The following ADAMTS6 variants were observed in gnomAD, a reference collection of about 807,000 sequenced individuals.
ADAMTS6 encodes the protein A disintegrin and metalloproteinase with thrombospondin motifs 6.
ADAMTS6 carries 23 observed loss-of-function variants against 144.3 expected under a neutral mutation model. The observed-to-expected ratio is 0.16, with a 90% CI of 0.11 to 0.23. The LOEUF is 0.23. Ranked by LOEUF, ADAMTS6 falls within the 10% of genes least tolerant of loss-of-function variation. The pLI, the probability that ADAMTS6 is intolerant of heterozygous loss-of-function variation, is 1.00. For missense variants in ADAMTS6, 999 were observed against 1,379.6 expected, an observed-to-expected ratio of 0.72 and a Z score of 4.37; for synonymous variants, 444 against 457.5, an observed-to-expected ratio of 0.97 and a Z score of 0.38.
At chr5:65,466,748 T>C (rs1760036877) in intron 3 of ADAMTS6, among the ~76,000 whole-genome samples, 1 of 152,142 alleles carries the variant, frequency 6.6e-6, no homozygotes, top group Non-Finnish European at 1.5e-5. Flanking sequence ...CTTCATGAAA[T>C]AAGAACAGAA....
chr5:65,468,531 T>C (rs1378358815), intron 3 of ADAMTS6, among the ~76,000 whole-genome samples: 1 of 151,494 alleles, frequency 6.6e-6, no homozygotes, highest in Non-Finnish European at 1.5e-5. Flanking sequence ...TGCTCACAAA[T>C]TCCTTACGAA....
intron 10 of ADAMTS6, chr5:65,297,232 G>A (rs759035105): frequency 5.0e-5 from 23 of 455,872 alleles, no homozygotes; most frequent in South Asian, 1.6e-5. Context: ...TTGAATCACC[G>A]AGTTTAAGAA....
chr5:65,208,906 C>A (rs1756302500), intron 20 of ADAMTS6, among the ~76,000 whole-genome samples: 1 of 152,146 alleles, frequency 6.6e-6, no homozygotes. Context: ...GCCAGTGGCA[C>A]CAGCAACACC....
At chr5:65,224,876 C>A in intron 17 of ADAMTS6, 48 bp downstream of exon 17, 1 of 1,546,154 alleles carries the variant, frequency 6.5e-7, no homozygotes, top group East Asian at 2.3e-5. Context: ...GTTTTGGCTC[C>A]TCCAAGTACA....
chr5:65,211,132 C>T (rs781221185), intron 20 of ADAMTS6, among the ~76,000 whole-genome samples: 2 of 152,084 alleles, frequency 1.3e-5, no homozygotes, highest in Non-Finnish European at 2.9e-5. Flanking sequence ...GGTCAAAGTT[C>T]CTAAACTCTA....
At chr5:65,222,715 T>C (rs1320858615) in intron 18 of ADAMTS6, among the ~76,000 whole-genome samples, 1 of 152,014 alleles carries the variant, frequency 6.6e-6, no homozygotes, top group South Asian at 2.1e-4. Flanking sequence ...ATTTAATAAA[T>C]ATATTTTATA....
At chr5:65,183,930 ATTCT>A (rs1262122334) in intron 22 of ADAMTS6, among the ~76,000 whole-genome samples, 2 of 152,206 alleles carry the variant, frequency 1.3e-5, no homozygotes, top group Non-Finnish European at 2.9e-5. Flanking sequence ...AATTCATCTC[ATTCT>A]TTCTCATAAT....
intron 7 of ADAMTS6, among the ~76,000 whole-genome samples, chr5:65,401,324 C>T (rs899732437): frequency 3.3e-5 from 5 of 151,706 alleles, no homozygotes; most frequent in Admixed American, 1.3e-4. Context: ...TGAGTATTTC[C>T]ATTCTCCCAG....
At chr5:65,455,574 G>A (rs1580748169) in intron 4 of ADAMTS6, among the ~76,000 whole-genome samples, 1 of 151,310 alleles carries the variant, frequency 6.6e-6, no homozygotes, top group African/African-American at 2.4e-5. Flanking sequence ...AGAACAGGTT[G>A]GTAAAATATT....
At position 65,405,846 on chromosome 5, in the gene ADAMTS6, T is replaced by C. The variant is rs150053863; in HGVS notation, c.1073+45629A>G. Among the ~76,000 whole-genome samples the C allele has an allele frequency of 3.9e-3, 589 of 152,294 alleles. 21 individuals are homozygous for C. In the East Asian group the frequency reaches 0.071, roughly 18 times the overall value. On this transcript the variant is annotated intron_variant, in intron 7 of 24. Transcript: ENST00000381055. ...CTGAGCAGTGGTTTGTAGTACTCCT[T>C]GAAGAGGTCGTTCACATCCCTTGTA... is the stretch of plus-strand genomic sequence containing the variant.
At chr5:65,282,486 A>G (rs1227550514) in intron 11 of ADAMTS6, among the ~76,000 whole-genome samples, 2 of 152,110 alleles carry the variant, frequency 1.3e-5, no homozygotes, top group East Asian at 1.9e-4. Context: ...CTCCCAGTTA[A>G]TTCTCTGCTG....
chr5:65,297,303 G>C, intron 10 of ADAMTS6: 1 of 453,716 alleles, frequency 2.2e-6, no homozygotes, highest in South Asian at 1.6e-5. Flanking sequence ...ATAGCATCTA[G>C]TGTTTTAGAA....
chr5:65,228,509 A>G (rs1156979044), intron 15 of ADAMTS6, among the ~76,000 whole-genome samples: 1 of 152,292 alleles, frequency 6.6e-6, no homozygotes, highest in East Asian at 1.9e-4. Context: ...TCCCTGCAGA[A>G]GGATCAATTT....
chr5:65,400,205 A>C lies in ADAMTS6; in HGVS notation c.1073+51270T>G, dbSNP rs967740012. ...TTTCTTCTTTTTAATTTTTAAACGT[A>C]CATTTTAGTTTATTAGAGATAGGGT... On this transcript the variant is annotated intron_variant, in intron 7 of 24. Coordinates refer to ENST00000381055, the MANE Select transcript of ADAMTS6 (RefSeq NM_197941.4). 2.6e-5 allele frequency among the ~76,000 whole-genome samples: 4 copies of C among 151,680 alleles called. No individual in the cohort carries two copies. In the East Asian group the frequency reaches 7.7e-4, roughly 29 times the overall value.
At chr5:65,456,128 C>T (rs1307521071) in intron 4 of ADAMTS6, among the ~76,000 whole-genome samples, 1 of 151,838 alleles carries the variant, frequency 6.6e-6, no homozygotes, top group Non-Finnish European at 1.5e-5. Flanking sequence ...ATAATTAGCT[C>T]ATTATAAAAC....
Position 65,366,405 on chromosome 5 carries a change from T to C in ADAMTS6, c.1074-32320A>G, listed in dbSNP as rs746987859. Among the ~76,000 whole-genome samples the C allele has an allele frequency of 7.4e-4, 113 of 152,280 alleles. 2 individuals are homozygous for C. Among genetic ancestry groups the C allele is most frequent in the South Asian group, 2.3e-3 (11 of 4,826 alleles). Reference sequence around the variant, plus strand: ...GGGAAGGAAAAGAAAATATTTAATATAGAATTCTACCAAAATCTACCAATG... The same window carrying C: ...GGGAAGGAAAAGAAAATATTTAATACAGAATTCTACCAAAATCTACCAATG... On this transcript the variant is annotated intron_variant, in intron 7 of 24. Coordinates refer to ENST00000381055, the MANE Select transcript of ADAMTS6 (RefSeq NM_197941.4).
intron 4 of ADAMTS6, among the ~76,000 whole-genome samples, chr5:65,455,284 C>T (rs952034136): frequency 5.3e-5 from 8 of 152,252 alleles, no homozygotes; most frequent in African/African-American, 1.7e-4. Context: ...GGCTCACGCC[C>T]GTAATCCCAA....
intron 7 of ADAMTS6, among the ~76,000 whole-genome samples, chr5:65,426,611 T>C (rs1040922417): frequency 2.6e-5 from 4 of 152,014 alleles, no homozygotes; most frequent in Non-Finnish European, 5.9e-5. Context: ...AAAAATTTAG[T>C]GGAGTTAAGT....
intron 7 of ADAMTS6, among the ~76,000 whole-genome samples, chr5:65,408,449 C>T (rs1401488334): frequency 6.6e-6 from 1 of 152,160 alleles, no homozygotes; most frequent in Non-Finnish European, 1.5e-5. Context: ...GAAGAGCTAA[C>T]TATCTTAAAT....
Sources: allele counts gnomAD v4.1 joint callset (sites outside exome capture counted in the v4.1 genomes callset), GRCh38; gene constraint gnomAD v4.1.1; transcripts MANE v1.5; gene names NCBI Gene and HGNC (gene_info 2026-07-23, HGNC 2026-07-21).